MOB1B: variants seen among roughly 807,000 people sequenced by gnomAD.
MOB1B encodes the protein MOB1 Mps One Binder homolog B.
A neutral mutation model predicts 24.4 loss-of-function variants in MOB1B; 19 were observed. That is an observed-to-expected ratio of 0.78 (90% CI 0.54 to 1.14). MOB1B has a LOEUF of 1.14. Among genes scored for constraint, MOB1B ranks in the 50% most tolerant of loss-of-function variants. The probability of loss-of-function intolerance (pLI) is 0.00; values close to 1 mark genes in which losing one functional copy is unlikely to be tolerated. For missense variants in MOB1B, 243 were observed against 259.6 expected (o/e 0.94, Z 0.44); for synonymous variants, 76 against 82.1 (o/e 0.93, Z 0.40).
chr4:70,914,978 G>A (rs1736141071), intron 1 of MOB1B, among the ~76,000 whole-genome samples: 1 of 152,146 alleles, frequency 6.6e-6, no homozygotes, highest in Non-Finnish European at 1.5e-5. Flanking sequence ...CTATGTTTAG[G>A]ATCAATACTT....
chr4:70,922,864 C>T (rs564291435), intron 1 of MOB1B, among the ~76,000 whole-genome samples: 2 of 152,164 alleles, frequency 1.3e-5, no homozygotes, highest in South Asian at 4.1e-4. Flanking sequence ...GACATCTATA[C>T]ACACACACAA....
chr4:70,903,830 G>T (rs777873992), intron 1 of MOB1B, among the ~76,000 whole-genome samples: 3 of 151,950 alleles, frequency 2.0e-5, no homozygotes, highest in Non-Finnish European at 4.4e-5. Context: ...GACCTGGCTT[G>T]TGTCAACTTG....
intron 1 of MOB1B, among the ~76,000 whole-genome samples, chr4:70,934,485 C>T (rs1043661117): frequency 1.3e-5 from 2 of 150,362 alleles, no homozygotes; most frequent in African/African-American, 4.9e-5. Context: ...CCGAGTCTTG[C>T]TCTGTCACTC....
rs143261808 is a variant in MOB1B at position 70,965,721 on chromosome 4, C to T, written c.182-4210C>T. On this transcript the variant is annotated intron_variant, in intron 2 of 5. Transcript: ENST00000309395. ...CTGAGGCAGGAGAATGGCGTGAGCC[C>T]GGGAGGCAGAGTTTGCAGCGAGCCG... 8.2e-3 allele frequency among the ~76,000 whole-genome samples: 1,135 copies of T among 137,690 alleles called. 15 individuals are homozygous for T. Among genetic ancestry groups the T allele is most frequent in the African/African-American group, 0.029 (1,096 of 37,172 alleles). The allele number at this position is 137,690 out of a possible 152,430, so 90.3% of individuals were successfully genotyped here.
chr4:70,921,851 G>C (rs1038444238), intron 1 of MOB1B, among the ~76,000 whole-genome samples: 1 of 152,020 alleles, frequency 6.6e-6, no homozygotes, highest in Non-Finnish European at 1.5e-5. Flanking sequence ...ATCAAGGCTA[G>C]GAGCTTTGAA....
intron 1 of MOB1B, among the ~76,000 whole-genome samples, chr4:70,904,115 T>C (rs1323059696): frequency 6.6e-6 from 1 of 150,842 alleles, no homozygotes; most frequent in Non-Finnish European, 1.5e-5. Flanking sequence ...CCTGAGTAGC[T>C]GGGACTACAG....
chr4:70,986,181 G>T lies in MOB1B; in HGVS notation c.*4124G>T, dbSNP rs1222119506. ...CTCAATTTAATTTTAACTACTGTAG[G>T]ATAGTATTGATTGAATGGATACTAT... On this transcript the variant is annotated 3_prime_UTR_variant, in exon 6 of 6. Coordinates refer to ENST00000309395, the MANE Select transcript of MOB1B (RefSeq NM_173468.4). 1 of 152,032 alleles carries T rather than the reference G, an allele frequency of 6.6e-6. No homozygotes were observed. The highest frequency in any genetic ancestry group is 1.5e-5 in the Non-Finnish European group (1 of 67,994). The allele number at this position is 152,032 out of a possible 1,614,324, so 9.4% of individuals were successfully genotyped here.
intron 3 of MOB1B, among the ~76,000 whole-genome samples, chr4:70,972,192 G>C (rs945583706): frequency 6.6e-6 from 1 of 152,018 alleles, no homozygotes; most frequent in Admixed American, 6.6e-5. Context: ...GTAGAACTTT[G>C]TTCTCAGATA....
chr4:70,903,585 C>G (rs754751585), intron 1 of MOB1B, among the ~76,000 whole-genome samples: 1 of 152,104 alleles, frequency 6.6e-6, no homozygotes, highest in Non-Finnish European at 1.5e-5. Flanking sequence ...TGAAACTCAC[C>G]CATATACTGT....
chr4:70,920,233 T>C (rs1736371627), intron 1 of MOB1B, among the ~76,000 whole-genome samples: 1 of 152,026 alleles, frequency 6.6e-6, no homozygotes, highest in Non-Finnish European at 1.5e-5. Flanking sequence ...CCTCCTCCTC[T>C]TCCTCTTCCT....
At chr4:70,959,147 C>A in intron 2 of MOB1B, 107 bp downstream of exon 2, 1 of 807,604 alleles carries the variant, frequency 1.2e-6, no homozygotes, top group Non-Finnish European at 2.0e-6. Flanking sequence ...AAGCTAATAT[C>A]ATAAAAGAGT....
At chr4:70,909,309 TCAG>T (rs1735885258) in intron 1 of MOB1B, among the ~76,000 whole-genome samples, 2 of 152,076 alleles carry the variant, frequency 1.3e-5, no homozygotes, top group Non-Finnish European at 2.9e-5. Context: ...TTTTAATGCT[TCAG>T]CAGCCTCACC....
chr4:70,950,001 A>T (rs1365272885), intron 1 of MOB1B, among the ~76,000 whole-genome samples: 4 of 152,196 alleles, frequency 2.6e-5, no homozygotes, highest in East Asian at 1.9e-4. Flanking sequence ...GTGCCTATTA[A>T]TAACTCTCTT....
intron 1 of MOB1B, among the ~76,000 whole-genome samples, chr4:70,935,847 A>T (rs1578367086): frequency 6.0e-5 from 6 of 100,386 alleles, no homozygotes; most frequent in Admixed American, 4.0e-4. Context: ...TGGTACACTA[A>T]TTTTTTTTTT....
intron 1 of MOB1B, among the ~76,000 whole-genome samples, chr4:70,905,035 A>G (rs1181694418): frequency 1.3e-5 from 2 of 152,212 alleles, no homozygotes; most frequent in Non-Finnish European, 2.9e-5. Context: ...ATATCTATCT[A>G]GCAGTTGATA....
chr4:70,987,164 A>G lies in MOB1B; in HGVS notation c.*5107A>G, dbSNP rs1273764818. The stretch of plus-strand genomic sequence containing the variant: ...AGAGATTCTGAAGTATTTACTGTCA[A>G]TTCATAGGTTTCAGTTTATTTAGGA... On this transcript the variant is annotated 3_prime_UTR_variant, in exon 6 of 6. Coordinates refer to ENST00000309395, the MANE Select transcript of MOB1B (RefSeq NM_173468.4). 1.3e-5 allele frequency: 2 copies of G among 152,136 alleles called. No homozygotes were observed. The highest frequency in any genetic ancestry group is 6.5e-5 in the Admixed American group (1 of 15,284). The allele number at this position is 152,136 out of a possible 1,614,324, so 9.4% of individuals were successfully genotyped here.
At position 70,979,267 on chromosome 4, in the gene MOB1B, C is replaced by A. The variant is rs1267478332; in HGVS notation, c.549C>A (p.Phe183Leu). 6.2e-7 allele frequency: 1 copy of A among 1,613,522 alleles called. No individual in the cohort carries two copies. The highest frequency in any genetic ancestry group is 1.1e-5 in the South Asian group (1 of 91,032). ...AGGAAGCACATCTAAATACATCTTTCAAGCACTTTATTTTTTTTGTCCAGG... is the reference window on the plus strand; with the variant it reads ...AGGAAGCACATCTAAATACATCTTTAAAGCACTTTATTTTTTTTGTCCAGG... The part of the protein sequence containing the change: ...LQEEAHLNTS[F>L]KHFIFFVQEF... The change falls in exon 5 of 6, where the codon TTC becomes TTA. Residue 183 changes from phenylalanine (F) to leucine (L), a missense_variant. Coordinates refer to ENST00000309395, the MANE Select transcript of MOB1B (RefSeq NM_173468.4).
chr4:70,902,363 C>T, upstream of MOB1B: 7 of 704,072 alleles, frequency 9.9e-6, no homozygotes, highest in South Asian at 9.1e-5. Flanking sequence ...GCCCCCTCCC[C>T]CTGCCATTGG....
At chr4:70,939,595 A>C (rs1578370689) in intron 1 of MOB1B, among the ~76,000 whole-genome samples, 1 of 152,100 alleles carries the variant, frequency 6.6e-6, no homozygotes, top group Non-Finnish European at 1.5e-5. Flanking sequence ...GGCTGGGAGG[A>C]TCTCTTGAAT....
Sources: allele counts gnomAD v4.1 joint callset (sites outside exome capture counted in the v4.1 genomes callset), GRCh38; gene constraint gnomAD v4.1.1; transcripts MANE v1.5; gene names NCBI Gene and HGNC (gene_info 2026-07-23, HGNC 2026-07-21).